ANXA10: variants seen among roughly 807,000 people sequenced by gnomAD.
ANXA10 encodes the protein annexin 14.
Under a neutral mutation model 53.5 loss-of-function variants are expected in ANXA10, and 49 were observed. The ratio of observed to expected loss-of-function variants is 0.92; its 90% CI spans 0.73 to 1.16. ANXA10 has a LOEUF of 1.16. Among genes scored for constraint, ANXA10 ranks in the 50% most tolerant of loss-of-function variants. ANXA10 has a pLI of 0.00. For synonymous variants in ANXA10, 131 were observed against 128.9 expected, an observed-to-expected ratio of 1.02 and a Z score of -0.11; for missense variants, 393 against 394.4, an observed-to-expected ratio of 1.00 and a Z score of 0.03.
intron 3 of ANXA10, among the ~76,000 whole-genome samples, chr4:168,152,848 A>T (rs1172114334): frequency 6.7e-6 from 1 of 150,140 alleles, no homozygotes; most frequent in African/African-American, 2.4e-5. Context: ...TAAACAATAT[A>T]TCTATTGTTT....
intron 1 of ANXA10, among the ~76,000 whole-genome samples, chr4:168,123,963 A>G (rs1229209593): frequency 2.0e-5 from 3 of 152,168 alleles, no homozygotes; most frequent in Admixed American, 2.0e-4. Context: ...CTTTACTTGC[A>G]AGAACAGTTC....
intron 5 of ANXA10, 55 bp downstream of exon 5, chr4:168,164,343 C>T: frequency 8.1e-7 from 1 of 1,238,408 alleles, no homozygotes; most frequent in Non-Finnish European, 1.2e-6. Context: ...CTTTATAACA[C>T]ATTAAATATT....
At chr4:168,165,710 T>C (rs1269215439) in intron 6 of ANXA10, among the ~76,000 whole-genome samples, 1 of 152,170 alleles carries the variant, frequency 6.6e-6, no homozygotes, top group Admixed American at 6.6e-5. Flanking sequence ...ACAGTCTCGC[T>C]CTATCACCCA....
chr4:168,122,224 A>G (rs1246258606), intron 1 of ANXA10, among the ~76,000 whole-genome samples: 1 of 152,218 alleles, frequency 6.6e-6, no homozygotes, highest in Admixed American at 6.5e-5. Context: ...AAGTCTCTTC[A>G]GATCAGTGGT....
chr4:168,164,395 AT>A, intron 5 of ANXA10, 107 bp downstream of exon 5: 1 of 859,884 alleles, frequency 1.2e-6, no homozygotes, highest in Admixed American at 2.5e-5. Flanking sequence ...ACATTCTTAC[AT>A]TTAACATAGG....
intron 10 of ANXA10, among the ~76,000 whole-genome samples, chr4:168,183,746 TCTC>T (rs1732306583): frequency 6.6e-6 from 1 of 152,244 alleles, no homozygotes. Flanking sequence ...TATTCTGTGT[TCTC>T]CTCCAGTGAA....
intron 10 of ANXA10, among the ~76,000 whole-genome samples, chr4:168,183,139 T>A (rs1227999741): frequency 6.6e-6 from 1 of 152,122 alleles, no homozygotes; most frequent in Non-Finnish European, 1.5e-5. Context: ...GTAATTTTAA[T>A]CATCAGTTTT....
chr4:168,122,110 G>A lies in ANXA10; in HGVS notation c.19-5974G>A, dbSNP rs143772095. 1.6e-3 allele frequency among the ~76,000 whole-genome samples: 249 copies of A among 152,230 alleles called. 1 individual carries two copies. The highest frequency in any genetic ancestry group is 5.5e-3 in the African/African-American group (229 of 41,534). On this transcript the variant is annotated intron_variant, in intron 1 of 11. Transcript: ENST00000359299. ...CCCACCTCGCCTCCCAAAGTGCTGGGATTACTGGCGTGAGCCACCGCCCCC... is the reference window on the plus strand; with the variant it reads ...CCCACCTCGCCTCCCAAAGTGCTGGAATTACTGGCGTGAGCCACCGCCCCC...
chr4:168,152,902 G>C (rs1223120832), intron 3 of ANXA10, among the ~76,000 whole-genome samples: 3 of 151,560 alleles, frequency 2.0e-5, no homozygotes, highest in Non-Finnish European at 4.4e-5. Context: ...AGAGTGCCAC[G>C]GGACAATCAC....
At chr4:168,179,597 A>G (rs1376723702) in intron 9 of ANXA10, among the ~76,000 whole-genome samples, 1 of 152,190 alleles carries the variant, frequency 6.6e-6, no homozygotes, top group African/African-American at 2.4e-5. Context: ...TTTCTCTTTG[A>G]ATTGGCTTCT....
At chr4:168,136,251 T>C (rs1014408301) in intron 2 of ANXA10, among the ~76,000 whole-genome samples, 9 of 151,998 alleles carry the variant, frequency 5.9e-5, no homozygotes, top group Non-Finnish European at 4.4e-5. Context: ...CCCCCACAAA[T>C]CTCATGTTCT....
intron 6 of ANXA10, among the ~76,000 whole-genome samples, chr4:168,175,594 TGATTTGAA>T: frequency 6.6e-6 from 1 of 152,198 alleles, no homozygotes; most frequent in Non-Finnish European, 1.5e-5. Context: ...AACATTTCCA[TGATTTGAA>T]GATAACACCC....
At chr4:168,109,488 A>G (rs765365699) in intron 1 of ANXA10, among the ~76,000 whole-genome samples, 1 of 152,226 alleles carries the variant, frequency 6.6e-6, no homozygotes, top group Non-Finnish European at 1.5e-5. Context: ...GGACTTAAGT[A>G]CATGTTAGGA....
chr4:168,186,271 A>T (rs1038994336), intron 11 of ANXA10, among the ~76,000 whole-genome samples: 8 of 152,358 alleles, frequency 5.3e-5, no homozygotes, highest in Admixed American at 4.6e-4. Context: ...GATTTTGGAA[A>T]ATATAGAAAT....
intron 3 of ANXA10, among the ~76,000 whole-genome samples, chr4:168,150,676 C>A (rs778079481): frequency 7.2e-5 from 11 of 152,154 alleles, no homozygotes; most frequent in South Asian, 6.2e-4. Context: ...AAGCTTCATA[C>A]CTCTCCACAG....
chr4:168,132,480 G>A (rs558314250), intron 2 of ANXA10, among the ~76,000 whole-genome samples: 2 of 152,066 alleles, frequency 1.3e-5, no homozygotes, highest in South Asian at 4.1e-4. Flanking sequence ...AGGTTGTGAA[G>A]GGTAGCGGAG....
chr4:168,092,698 A>G lies in ANXA10; in HGVS notation c.-3A>G. On this transcript the variant is annotated 5_prime_UTR_variant, in exon 1 of 12. Coordinates refer to ENST00000359299, the MANE Select transcript of ANXA10 (RefSeq NM_007193.5). ...ATCCCTGAGGTTAACAATTACCATC[A>G]AAATGTTTTGTGGAGACTATGTGAG... 4 of 1,593,944 alleles carry G rather than the reference A, an allele frequency of 2.5e-6. No individual in the cohort carries two copies. The highest frequency in any genetic ancestry group is 3.4e-6 in the Non-Finnish European group (4 of 1,171,386).
At chr4:168,136,215 C>G (rs976581044) in intron 2 of ANXA10, among the ~76,000 whole-genome samples, 1 of 152,126 alleles carries the variant, frequency 6.6e-6, no homozygotes, top group Non-Finnish European at 1.5e-5. Flanking sequence ...AGACACAAAT[C>G]CAAACCATAT....
intron 1 of ANXA10, among the ~76,000 whole-genome samples, chr4:168,116,163 TCA>T (rs2149467308): frequency 6.6e-6 from 1 of 152,248 alleles, no homozygotes; most frequent in South Asian, 2.1e-4. Context: ...TGTAAAGACT[TCA>T]CATAATATAG....
Sources: allele counts gnomAD v4.1 joint callset (sites outside exome capture counted in the v4.1 genomes callset), GRCh38; gene constraint gnomAD v4.1.1; transcripts MANE v1.5; gene names NCBI Gene and HGNC (gene_info 2026-07-23, HGNC 2026-07-21).